Variants in BTNL8 observed in about 807,000 individuals in gnomAD.
The protein encoded by BTNL8 is butyrophilin-like protein 8.
BTNL8 carries 22 observed loss-of-function variants against 36.1 expected under a neutral mutation model. The observed-to-expected ratio is 0.61, with a 90% CI of 0.44 to 0.87. BTNL8 has a LOEUF of 0.87. BTNL8 is among the 40% of genes least tolerant of loss of function. BTNL8 has a pLI of 0.00. For missense variants in BTNL8, 526 were observed against 616.9 expected (o/e 0.85, Z 1.56); for synonymous variants, 203 against 235.6 (o/e 0.86, Z 1.27).
In BTNL8 at chr5:180,942,799, A is replaced by G. The variant is rs1759048959; in HGVS notation, c.674-4713A>G. On this transcript the variant is annotated intron_variant, in intron 3 of 7. Coordinates refer to ENST00000340184, the MANE Select transcript of BTNL8 (RefSeq NM_001040462.3). ...TAAAAATAAACTCTTGATGAATTAA[A>G]GGCTAAAATGTAAAACCTGAAACTA... 3.3e-5 allele frequency among the ~76,000 whole-genome samples: 5 copies of G among 152,312 alleles called. No individual in the cohort carries two copies. In the South Asian group the frequency reaches 1.0e-3, roughly 32 times the overall value.
At chr5:180,901,207 C>T (rs1010395209) in intron 1 of BTNL8, among the ~76,000 whole-genome samples, 4 of 152,180 alleles carry the variant, frequency 2.6e-5, no homozygotes, top group African/African-American at 9.7e-5. Context: ...TGTAATTAAA[C>T]TAAAAAATTA....
Position 180,950,650 on chromosome 5 carries a change from G to T in BTNL8, c.*106G>T, listed in dbSNP as rs922283239. 8.5e-6 allele frequency: 10 copies of T among 1,177,386 alleles called. 2 individuals are homozygous for T. The highest frequency in any genetic ancestry group is 1.2e-5 in the Non-Finnish European group (10 of 842,766). 72.9% of individuals were successfully genotyped at this position (1,177,386 alleles called of 1,614,324 possible). A position where few individuals can be genotyped will look rare whatever the true frequency, so the allele number is the denominator to read the frequency against. ...GTGGCTTCCAGATGAAGGGGGACTG[G>T]CCTGTCCACATGGGAGTCAGGTGTC... On this transcript the variant is annotated 3_prime_UTR_variant, in exon 8 of 8. Coordinates refer to ENST00000340184, the MANE Select transcript of BTNL8 (RefSeq NM_001040462.3).
intron 3 of BTNL8, among the ~76,000 whole-genome samples, chr5:180,931,514 G>A (rs1378936952): frequency 6.6e-6 from 1 of 152,100 alleles, no homozygotes; most frequent in Non-Finnish European, 1.5e-5. Context: ...TCATCAGAGT[G>A]AACAGGCAAC....
chr5:180,932,099 A>G (rs1365425658), intron 3 of BTNL8, among the ~76,000 whole-genome samples: 1 of 152,212 alleles, frequency 6.6e-6, no homozygotes, highest in African/African-American at 2.4e-5. Context: ...AAAATGTGAC[A>G]CATATACACC....
intron 1 of BTNL8, among the ~76,000 whole-genome samples, chr5:180,900,049 A>G (rs1193203709): frequency 6.6e-6 from 1 of 152,160 alleles, no homozygotes; most frequent in Non-Finnish European, 1.5e-5. Flanking sequence ...GTCCACCTAT[A>G]TCTTTTTTGC....
intron 7 of BTNL8, chr5:180,949,681 C>A: frequency 1.7e-6 from 1 of 601,932 alleles, no homozygotes; most frequent in Non-Finnish European, 2.8e-6. Context: ...GGGTGATATG[C>A]CGAGATTGGG....
At chr5:180,909,599 G>GA in intron 2 of BTNL8, 1 of 984,908 alleles carries the variant, frequency 1.0e-6, no homozygotes, top group Non-Finnish European at 1.2e-6. Flanking sequence ...ATTTGACGGG[G>GA]CTGGGTGCAG....
At chr5:180,944,480 G>C (rs984102704) in intron 3 of BTNL8, among the ~76,000 whole-genome samples, 4 of 152,152 alleles carry the variant, frequency 2.6e-5, no homozygotes, top group Non-Finnish European at 5.9e-5. Flanking sequence ...TGATCTCATA[G>C]AAGTAGAAAG....
At chr5:180,900,803 C>A (rs909696164) in intron 1 of BTNL8, among the ~76,000 whole-genome samples, 1 of 152,188 alleles carries the variant, frequency 6.6e-6, no homozygotes, top group East Asian at 1.9e-4. Context: ...GACCCAGTCC[C>A]ACTGGGACCT....
intron 3 of BTNL8, among the ~76,000 whole-genome samples, chr5:180,937,096 T>C (rs1206797436): frequency 2.6e-5 from 4 of 152,054 alleles, no homozygotes; most frequent in Non-Finnish European, 5.9e-5. Flanking sequence ...GAACAGCCCA[T>C]TTGGTGTCCA....
chr5:180,899,331 G>T lies in BTNL8; in HGVS notation c.21G>T (p.Leu7Phe), dbSNP rs369052284. ...CATCCATGGCTCTCATGCTCAGTTT[G>T]GTTCTGAGTCTCCTCAAGCTGGGAT... MALMLS[L>F]VLSLLKLGSG... The change falls in exon 1 of 8, where the codon TTG becomes TTT. Residue 7 changes from leucine to phenylalanine, a missense_variant. Leu to Phe is a conservative substitution (Grantham distance 22, BLOSUM62 0). Transcript: ENST00000340184. 3.7e-6 allele frequency: 6 copies of T among 1,614,176 alleles called. No individual in the cohort carries two copies. Among genetic ancestry groups the T allele is most frequent in the South Asian group, 3.3e-5 (3 of 91,078 alleles).
At chr5:180,945,036 C>T (rs1201584718) in intron 3 of BTNL8, among the ~76,000 whole-genome samples, 1 of 152,078 alleles carries the variant, frequency 6.6e-6, no homozygotes, top group Non-Finnish European at 1.5e-5. Flanking sequence ...GCAAAAATAA[C>T]AAAGTTAGAG....
intron 3 of BTNL8, among the ~76,000 whole-genome samples, chr5:180,940,197 T>C (rs575307106): frequency 3.1e-4 from 47 of 151,822 alleles, no homozygotes; most frequent in African/African-American, 1.1e-3. Flanking sequence ...ATACAAAAAA[T>C]TGGCTGAGCA....
At chr5:180,921,146 T>C (rs1033540793) in intron 3 of BTNL8, among the ~76,000 whole-genome samples, 40 of 152,198 alleles carry the variant, frequency 2.6e-4, no homozygotes, top group African/African-American at 4.8e-5. Flanking sequence ...AGTAACCTCA[T>C]TGATAATTTA....
chr5:180,920,251 T>C (rs963790420), intron 3 of BTNL8, among the ~76,000 whole-genome samples: 5 of 152,098 alleles, frequency 3.3e-5, no homozygotes, highest in Non-Finnish European at 5.9e-5. Context: ...AACAGACATA[T>C]AGATTAATGG....
chr5:180,928,381 C>A (rs1410168082), intron 3 of BTNL8, among the ~76,000 whole-genome samples: 6 of 151,336 alleles, frequency 4.0e-5, no homozygotes, highest in African/African-American at 1.5e-4. Context: ...TGCAAAAACA[C>A]ACCAAGTTGT....
intron 3 of BTNL8, among the ~76,000 whole-genome samples, chr5:180,938,249 T>A (rs1758750119): frequency 6.6e-6 from 1 of 152,118 alleles, no homozygotes; most frequent in African/African-American, 2.4e-5. Context: ...ATTATGTGAG[T>A]TTCAGAAGAA....
intron 2 of BTNL8, among the ~76,000 whole-genome samples, chr5:180,910,334 A>G (rs1757332689): frequency 6.6e-6 from 1 of 152,188 alleles, no homozygotes; most frequent in African/African-American, 2.4e-5. Context: ...GATAAGCTAC[A>G]GGTCTGCCTT....
rs576492789 is a variant in BTNL8 at position 180,948,486 on chromosome 5, C to A, written c.808+111C>A. On this transcript the variant is annotated intron_variant, in intron 5 of 7. Coordinates refer to ENST00000340184, the MANE Select transcript of BTNL8 (RefSeq NM_001040462.3). ...TGGCTGCAGGCTGGACAGGAAGCAC[C>A]GGCAGGTGGAGGAGAGCAGCTGCTC... 8.8e-5 allele frequency: 141 copies of A among 1,608,012 alleles called. 1 individual carries two copies. The highest frequency in any genetic ancestry group is 1.1e-4 in the Non-Finnish European group (134 of 1,176,590).
Sources: allele counts gnomAD v4.1 joint callset (sites outside exome capture counted in the v4.1 genomes callset), GRCh38; gene constraint gnomAD v4.1.1; transcripts MANE v1.5; gene names NCBI Gene and HGNC (gene_info 2026-07-23, HGNC 2026-07-21).